The following CNTN4 variants were observed in gnomAD, a reference collection of about 807,000 sequenced individuals.
The protein encoded by CNTN4 is contactin 4.
Under a neutral mutation model 122.5 loss-of-function variants are expected in CNTN4, and 77 were observed. The observed-to-expected ratio is 0.63, with a 90% confidence interval of 0.52 to 0.76. The LOEUF (loss-of-function observed/expected upper bound fraction) is 0.76, where lower values mean the gene tolerates loss of function less well. CNTN4 is among the 30% of genes least tolerant of loss of function. CNTN4 has a pLI of 0.00. For missense variants in CNTN4, 1,256 were observed against 1,259.1 expected, an observed-to-expected ratio of 1.00 and a Z score of 0.04; for synonymous variants, 512 against 447.0, an observed-to-expected ratio of 1.15 and a Z score of -1.83.
chr3:2,757,814 A>G (rs2090405904), intron 6 of CNTN4, among the ~76,000 whole-genome samples: 1 of 152,214 alleles, frequency 6.6e-6, no homozygotes, highest in South Asian at 2.1e-4. Context: ...CCCAAGAACT[A>G]AATTATTCTG....
At chr3:2,329,498 C>T (rs2043627991) in intron 2 of CNTN4, among the ~76,000 whole-genome samples, 1 of 151,866 alleles carries the variant, frequency 6.6e-6, no homozygotes, top group Non-Finnish European at 1.5e-5. Context: ...TAGACATATT[C>T]CTTTTCAAAA....
At chr3:2,895,969 T>C (rs758084413) in intron 10 of CNTN4, among the ~76,000 whole-genome samples, 119 of 151,926 alleles carry the variant, frequency 7.8e-4, no homozygotes, top group South Asian at 3.8e-3. Context: ...GAAGGCAGAG[T>C]TTGCAGCGAG....
intron 4 of CNTN4, among the ~76,000 whole-genome samples, chr3:2,711,162 G>A (rs888260715): frequency 6.6e-6 from 1 of 152,148 alleles, no homozygotes; most frequent in Non-Finnish European, 1.5e-5. Flanking sequence ...CAGCAAGAGG[G>A]TCACAAACCC....
At chr3:3,000,619 A>G (rs1256479932) in intron 14 of CNTN4, among the ~76,000 whole-genome samples, 1 of 152,252 alleles carries the variant, frequency 6.6e-6, no homozygotes, top group African/African-American at 2.4e-5. Context: ...GGCAGAAAGA[A>G]TTCATGTATC....
chr3:2,627,009 G>T (rs979725883), intron 4 of CNTN4, among the ~76,000 whole-genome samples: 1 of 152,130 alleles, frequency 6.6e-6, no homozygotes, highest in Admixed American at 6.5e-5. Flanking sequence ...TCCCCACTTT[G>T]CTCTTCTTTG....
intron 3 of CNTN4, among the ~76,000 whole-genome samples, chr3:2,429,354 C>T (rs569613804): frequency 6.6e-6 from 1 of 152,328 alleles, no homozygotes; most frequent in East Asian, 1.9e-4. Flanking sequence ...CCACTCCAGA[C>T]CCTGTTTGCC....
chr3:2,127,494 C>T (rs541654471), intron 2 of CNTN4, among the ~76,000 whole-genome samples: 6 of 151,986 alleles, frequency 3.9e-5, no homozygotes, highest in South Asian at 2.1e-4. Context: ...AGAACAAGAC[C>T]GTGATTGAAA....
chr3:2,244,414 A>C (rs1153513), intron 2 of CNTN4, among the ~76,000 whole-genome samples: 15,861 of 152,088 alleles, frequency 0.1, 1,154 homozygotes, highest in African/African-American at 0.21. Flanking sequence ...CACTACTTAC[A>C]TGTGGCTACT....
chr3:2,412,759 A>G (rs2047272226), intron 3 of CNTN4, among the ~76,000 whole-genome samples: 1 of 152,208 alleles, frequency 6.6e-6, no homozygotes, highest in Admixed American at 6.5e-5. Context: ...ACTGAAAACA[A>G]AAGGTAGAAT....
intron 3 of CNTN4, among the ~76,000 whole-genome samples, chr3:2,499,080 C>T (rs939375869): frequency 6.6e-6 from 1 of 152,232 alleles, no homozygotes; most frequent in East Asian, 1.9e-4. Context: ...TAAGCCACTA[C>T]ACCTGGCTTG....
intron 3 of CNTN4, among the ~76,000 whole-genome samples, chr3:2,391,661 C>T (rs1194935114): frequency 6.6e-6 from 1 of 152,098 alleles, no homozygotes; most frequent in Non-Finnish European, 1.5e-5. Flanking sequence ...AGTTAGTTAG[C>T]TCAAAATTTA....
intron 11 of CNTN4, among the ~76,000 whole-genome samples, chr3:2,901,882 G>C (rs919784729): frequency 1.3e-5 from 2 of 152,182 alleles, no homozygotes; most frequent in East Asian, 1.9e-4. Context: ...GTGTCTCACT[G>C]TCTGGATGCC....
intron 2 of CNTN4, among the ~76,000 whole-genome samples, chr3:2,332,801 C>T (rs2043790375): frequency 6.6e-6 from 1 of 151,336 alleles, no homozygotes; most frequent in Admixed American, 6.6e-5. Context: ...ATGGGTGCAG[C>T]ACACCAGCAT....
intron 6 of CNTN4, among the ~76,000 whole-genome samples, chr3:2,775,678 C>T (rs2091287917): frequency 6.6e-6 from 1 of 152,142 alleles, no homozygotes; most frequent in Non-Finnish European, 1.5e-5. Flanking sequence ...GCCTTAGCCT[C>T]CCAAACTGCT....
intron 3 of CNTN4, among the ~76,000 whole-genome samples, chr3:2,500,438 CTT>C (rs2076565923): frequency 6.6e-6 from 1 of 152,004 alleles, no homozygotes; most frequent in African/African-American, 2.4e-5. Context: ...TATTTTGACA[CTT>C]ATTTTTTCTT....
At chr3:2,431,101 G>A (rs2134358) in intron 3 of CNTN4, among the ~76,000 whole-genome samples, 86,683 of 151,996 alleles carry the variant, frequency 0.57, 26,015 homozygotes, top group Non-Finnish European at 0.67. Context: ...ATAATGAAGT[G>A]TATTCAGAGA....
chr3:2,975,321 T>C (rs1459920184), intron 13 of CNTN4, among the ~76,000 whole-genome samples: 3 of 152,164 alleles, frequency 2.0e-5, no homozygotes, highest in South Asian at 4.1e-4. Context: ...CACTGCAGGA[T>C]AGCATGGTAG....
intron 6 of CNTN4, among the ~76,000 whole-genome samples, chr3:2,767,304 T>C (rs2090905385): frequency 6.6e-6 from 1 of 152,184 alleles, no homozygotes; most frequent in Non-Finnish European, 1.5e-5. Context: ...AGACTTTATT[T>C]CTTTTGTTAT....
intron 3 of CNTN4, among the ~76,000 whole-genome samples, chr3:2,469,001 A>G (rs758812146): frequency 6.6e-6 from 1 of 152,168 alleles, no homozygotes; most frequent in Non-Finnish European, 1.5e-5. Context: ...TAAGATTGCT[A>G]TAATTGGCCT....
Sources: gnomAD v4.1 joint callset for allele counts (sites outside exome capture counted in the v4.1 genomes callset) on GRCh38, gnomAD v4.1.1 for gene constraint, MANE v1.5 for transcripts, NCBI Gene and HGNC (gene_info 2026-07-23, HGNC 2026-07-21) for gene names.